The following SMIM14 variants were observed in gnomAD, a reference collection of about 807,000 sequenced individuals.
The protein encoded by SMIM14 is chromosome 4 open reading frame 34.
SMIM14 carries 5 observed loss-of-function variants against 12.6 expected under a neutral mutation model. The ratio of observed to expected loss-of-function variants is 0.40; its 90% CI spans 0.21 to 0.83. The LOEUF is 0.83. Ranked by LOEUF, SMIM14 falls within the 40% of genes least tolerant of loss-of-function variation. The probability of loss-of-function intolerance (pLI) is 0.37; values close to 1 mark genes in which losing one functional copy is unlikely to be tolerated. For synonymous variants in SMIM14, 30 were observed against 40.1 expected, an observed-to-expected ratio of 0.75 and a Z score of 0.95; for missense variants, 86 against 119.1, an observed-to-expected ratio of 0.72 and a Z score of 1.29.
At chr4:39,619,416 A>C (rs1715358806) in intron 1 of SMIM14, among the ~76,000 whole-genome samples, 1 of 99,598 alleles carries the variant, frequency 1.0e-5, no homozygotes, top group African/African-American at 4.1e-5. Flanking sequence ...TTCTATATCA[A>C]TAAATATAAT....
At chr4:39,625,887 A>T (rs1715677631) in intron 1 of SMIM14, among the ~76,000 whole-genome samples, 2 of 152,226 alleles carry the variant, frequency 1.3e-5, no homozygotes, top group Non-Finnish European at 2.9e-5. Flanking sequence ...AGAAGCAACT[A>T]CGTCAGCATG....
chr4:39,620,594 C>A (rs1174752584), intron 1 of SMIM14, among the ~76,000 whole-genome samples: 3 of 152,158 alleles, frequency 2.0e-5, no homozygotes, highest in Non-Finnish European at 2.9e-5. Context: ...CTCAGCCTCC[C>A]AAAGTGCTGG....
At chr4:39,627,863 C>T (rs1487786941) in intron 1 of SMIM14, among the ~76,000 whole-genome samples, 1 of 152,166 alleles carries the variant, frequency 6.6e-6, no homozygotes, top group African/African-American at 2.4e-5. Context: ...CATAAAGAGT[C>T]AAACAAAGGA....
intron 1 of SMIM14, among the ~76,000 whole-genome samples, chr4:39,631,026 T>G (rs1027247695): frequency 5.9e-5 from 9 of 152,062 alleles, no homozygotes; most frequent in African/African-American, 2.2e-4. Flanking sequence ...AGCAGCAAAA[T>G]ATATATTGTA....
intron 2 of SMIM14, among the ~76,000 whole-genome samples, chr4:39,591,877 A>G (rs1714099150): frequency 1.3e-5 from 2 of 152,094 alleles, no homozygotes; most frequent in African/African-American, 4.8e-5. Context: ...TATAATGTGT[A>G]CTTTAAAATA....
At position 39,546,604 on chromosome 4, in the gene SMIM14, C is replaced by CATT. The variant is rs1747357850; in HGVS notation, c.*5519_*5521dup. The CATT allele has an allele frequency of 6.6e-6, 1 of 152,196 alleles. No homozygotes were observed. The allele number at this position is 152,196 out of a possible 1,614,324, so 9.4% of individuals were successfully genotyped here. ...CAAAAAACTTATTTTATTTGAATTC[C>CATT]ATTTTCTGAGAAGAAAACTAGTATT... is the stretch of plus-strand genomic sequence containing the variant. On this transcript the variant is annotated 3_prime_UTR_variant, in exon 5 of 5. Transcript: ENST00000295958.
At chr4:39,556,591 T>G (rs542208423) in intron 3 of SMIM14, 21 bp from the exon 4 acceptor site, 4 of 1,572,976 alleles carry the variant, frequency 2.5e-6, no homozygotes, top group Non-Finnish European at 3.4e-6. Context: ...ACAAAAAATG[T>G]AGCATGCTCA....
At chr4:39,577,725 C>T (rs1713278406) in intron 2 of SMIM14, among the ~76,000 whole-genome samples, 1 of 152,122 alleles carries the variant, frequency 6.6e-6, no homozygotes, top group African/African-American at 2.4e-5. Context: ...CTGTGCTTGG[C>T]CTCCTTTCAG....
intron 1 of SMIM14, among the ~76,000 whole-genome samples, chr4:39,614,185 C>CAAAAAAAAAAAAAAAAAAA (rs60332502): frequency 9.8e-6 from 1 of 102,268 alleles, no homozygotes; most frequent in Non-Finnish European, 2.1e-5. Flanking sequence ...AACTCCATTA[C>CAAAAAAAAAAAAAAAAAAA]AAAAAAAAAA....
chr4:39,569,651 T>C (rs1224738420), intron 3 of SMIM14, among the ~76,000 whole-genome samples: 3 of 151,838 alleles, frequency 2.0e-5, no homozygotes, highest in Admixed American at 1.3e-4. Context: ...GCACTAGAAT[T>C]GCCTGAACCT....
At chr4:39,638,178 C>T (rs1309456725) in intron 1 of SMIM14, 2 of 152,230 alleles carry the variant, frequency 1.3e-5, no homozygotes, top group African/African-American at 4.8e-5. Flanking sequence ...TACTGTCAGC[C>T]TTGGTTCCAC....
intron 2 of SMIM14, among the ~76,000 whole-genome samples, chr4:39,601,060 G>A (rs142219581): frequency 1.5e-3 from 225 of 151,902 alleles, no homozygotes; most frequent in African/African-American, 5.3e-3. Flanking sequence ...CATACTCTTA[G>A]GCATTATTTA....
intron 3 of SMIM14, among the ~76,000 whole-genome samples, chr4:39,562,533 G>A (rs992543165): frequency 1.3e-5 from 2 of 152,138 alleles, no homozygotes; most frequent in African/African-American, 4.8e-5. Context: ...CTGTCTCCCA[G>A]GCTGGAGTGC....
At chr4:39,618,356 G>A (rs1178458183) in intron 1 of SMIM14, among the ~76,000 whole-genome samples, 1 of 152,150 alleles carries the variant, frequency 6.6e-6, no homozygotes, top group East Asian at 1.9e-4. Flanking sequence ...GATAACCTCA[G>A]TCTAATTAAA....
chr4:39,551,500 A>G lies in SMIM14; in HGVS notation c.*626T>C, dbSNP rs889388576. 2 of 152,514 alleles carry G rather than the reference A, an allele frequency of 1.3e-5. No individual in the cohort carries two copies. The highest frequency in any genetic ancestry group is 1.3e-4 in the Admixed American group (2 of 15,260). The allele number at this position is 152,514 out of a possible 1,614,324, so 9.4% of individuals were successfully genotyped here. A position where few individuals can be genotyped will look rare whatever the true frequency, so the allele number is the denominator to read the frequency against. Reference sequence around the variant, plus strand: ...GGGAGTATAAAATTAGTAAACAACCATTTCATTTTTTCTCTCTTCCTATTC... The same window carrying G: ...GGGAGTATAAAATTAGTAAACAACCGTTTCATTTTTTCTCTCTTCCTATTC... On this transcript the variant is annotated 3_prime_UTR_variant, in exon 5 of 5. Coordinates refer to ENST00000295958, the MANE Select transcript of SMIM14 (RefSeq NM_174921.3).
In SMIM14 at chr4:39,575,825, GC is replaced by G. The variant is rs747201888; in HGVS notation, c.76-3363del. 5.3e-5 allele frequency among the ~76,000 whole-genome samples: 8 copies of G among 150,350 alleles called. No homozygotes were observed. The East Asian group carries it at 1.4e-3, about 26-fold the overall frequency. ...ACCCAGGCTGGTCTTGAACTCCTGG[GC>G]TCAAAGGATCCACCCGCCTCAGCCT... On this transcript the variant is annotated intron_variant, in intron 2 of 4. Transcript: ENST00000295958.
intron 1 of SMIM14, among the ~76,000 whole-genome samples, chr4:39,622,307 C>T (rs982827205): frequency 2.6e-5 from 4 of 152,174 alleles, no homozygotes; most frequent in Admixed American, 1.3e-4. Flanking sequence ...TGGTCTCGAT[C>T]TCCTGACCTC....
chr4:39,624,751 G>A (rs919434059), intron 1 of SMIM14, among the ~76,000 whole-genome samples: 1 of 148,458 alleles, frequency 6.7e-6, no homozygotes, highest in African/African-American at 2.5e-5. Flanking sequence ...TTGAACCTAG[G>A]AGGCGGAGGT....
At chr4:39,572,310 ACTAG>A in intron 3 of SMIM14, 101 bp downstream of exon 3, 2 of 297,696 alleles carry the variant, frequency 6.7e-6, no homozygotes, top group Non-Finnish European at 1.2e-5. Context: ...TTTGGTAACC[ACTAG>A]AATAGGCAAT....
Sources: gnomAD v4.1 joint callset for allele counts (sites outside exome capture counted in the v4.1 genomes callset) on GRCh38, gnomAD v4.1.1 for gene constraint, MANE v1.5 for transcripts, NCBI Gene and HGNC (gene_info 2026-07-23, HGNC 2026-07-21) for gene names.